GRIK4: variants seen among roughly 807,000 people sequenced by gnomAD.
GRIK4 encodes glutamate ionotropic receptor kainate type subunit 4.
Under a neutral mutation model 104.9 loss-of-function variants are expected in GRIK4, and 40 were observed. The ratio of observed to expected loss-of-function variants is 0.38; its 90% confidence interval spans 0.30 to 0.50. GRIK4 has a LOEUF of 0.50. GRIK4 is among the 20% of genes least tolerant of loss of function. The pLI is 0.93. For synonymous variants in GRIK4, 485 were observed against 524.9 expected (o/e 0.92, Z 1.04); for missense variants, 1,047 against 1,308.1 (o/e 0.80, Z 3.08).
In GRIK4 at chr11:120,899,999, G is replaced by A. The variant is rs74403970; in HGVS notation, c.1272+1360G>A. Among the ~76,000 whole-genome samples, 1,375 of 152,276 alleles carry A rather than the reference G, an allele frequency of 9.0e-3. 20 individuals are homozygous for A. The highest frequency in any genetic ancestry group is 0.03 in the African/African-American group (1,229 of 41,560). The stretch of plus-strand genomic sequence containing the variant: ...CTTTATGAACTCCTGGGGCCCAGGC[G>A]CCCTGGGCTGAAATGATTGATCTAC... On this transcript the variant is annotated intron_variant, in intron 12 of 20. Transcript: ENST00000527524.
intron 1 of GRIK4, among the ~76,000 whole-genome samples, chr11:120,616,497 G>A (rs1949116305): frequency 6.6e-6 from 1 of 152,226 alleles, no homozygotes; most frequent in African/African-American, 2.4e-5. Context: ...GGATACTTTG[G>A]TCTGGAAGAT....
intron 1 of GRIK4, among the ~76,000 whole-genome samples, chr11:120,526,810 T>C (rs1364794148): frequency 6.6e-6 from 1 of 152,016 alleles, no homozygotes; most frequent in Non-Finnish European, 1.5e-5. Flanking sequence ...GATTGCACCA[T>C]TGCACTCCAG....
In GRIK4 at chr11:120,522,167, C is replaced by T. The variant is rs529338386; in HGVS notation, c.-159+10280C>T. Reference sequence around the variant, plus strand: ...CTGGAGTGATCCTAAGGCAGGCCATCGCTGAGTTGGGCAGCTGTGAAACGA... The same window carrying T: ...CTGGAGTGATCCTAAGGCAGGCCATTGCTGAGTTGGGCAGCTGTGAAACGA... On this transcript the variant is annotated intron_variant, in intron 1 of 20. Transcript: ENST00000527524. Among the ~76,000 whole-genome samples, 37 of 152,270 alleles carry T rather than the reference C, an allele frequency of 2.4e-4. 2 individuals carry two copies. In the South Asian group the frequency reaches 5.2e-3, roughly 21 times the overall value.
chr11:120,832,650 C>T (rs1457146653), intron 7 of GRIK4, among the ~76,000 whole-genome samples: 1 of 152,170 alleles, frequency 6.6e-6, no homozygotes, highest in Non-Finnish European at 1.5e-5. Flanking sequence ...ACAACCCTCT[C>T]TTATCTGCAA....
chr11:120,884,102 G>A (rs1955050433), intron 11 of GRIK4, among the ~76,000 whole-genome samples: 1 of 152,222 alleles, frequency 6.6e-6, no homozygotes. Context: ...AGGCTTCATG[G>A]TCAAAGGCTC....
chr11:120,511,841 G>C lies in GRIK4; in HGVS notation c.-205G>C, dbSNP rs1465064998. The C allele has an allele frequency of 2.8e-6, 1 of 351,956 alleles. No homozygotes were observed. The highest frequency in any genetic ancestry group is 2.3e-5 in the African/African-American group (1 of 44,302). 21.8% of individuals were successfully genotyped at this position (351,956 alleles called of 1,614,324 possible). A position where few individuals can be genotyped will look rare whatever the true frequency, so the allele number is the denominator to read the frequency against. On this transcript the variant is annotated 5_prime_UTR_variant, in exon 1 of 21. Coordinates refer to ENST00000527524, the MANE Select transcript of GRIK4 (RefSeq NM_014619.5). ...CAACAGCAGCCCCGCGGCCGGCCCGGCAGCGCCCGGCCCCCGGCTCAGCCC... is the reference window on the plus strand; with the variant it reads ...CAACAGCAGCCCCGCGGCCGGCCCGCCAGCGCCCGGCCCCCGGCTCAGCCC...
At position 120,850,780 on chromosome 11, in the gene GRIK4, G is replaced by A. The variant is rs1364093870; in HGVS notation, c.745-11179G>A. 2.2e-5 allele frequency among the ~76,000 whole-genome samples: 3 copies of A among 134,810 alleles called. No homozygotes were observed. The Admixed American group carries it at 2.3e-4, about 10-fold the overall frequency. 88.4% of individuals were successfully genotyped at this position (134,810 alleles called of 152,430 possible). On this transcript the variant is annotated intron_variant, in intron 8 of 20. Transcript: ENST00000527524. ...AGCAGAAGGAGACTGAAAATAAAAG[G>A]CATTATGGCAAATCACATTATTATT...
intron 11 of GRIK4, 102 bp downstream of exon 11, chr11:120,875,345 C>G (rs1592020970): frequency 5.3e-6 from 4 of 756,940 alleles, no homozygotes; most frequent in Non-Finnish European, 9.4e-6. Context: ...TTATCCCCAA[C>G]AGCAGCAGGC....
intron 1 of GRIK4, among the ~76,000 whole-genome samples, chr11:120,536,700 A>G (rs916094629): frequency 6.6e-6 from 1 of 152,186 alleles, no homozygotes; most frequent in Admixed American, 6.5e-5. Flanking sequence ...TCCAATTGAT[A>G]TGAGGCTCGG....
chr11:120,512,369 C>T (rs1479941688), intron 1 of GRIK4, among the ~76,000 whole-genome samples: 2 of 151,840 alleles, frequency 1.3e-5, no homozygotes, highest in Admixed American at 6.6e-5. Flanking sequence ...CGGCTGCAGC[C>T]CCCCATCCCG....
At chr11:120,973,928 GAC>G (rs1944518181) in intron 19 of GRIK4, among the ~76,000 whole-genome samples, 2 of 145,968 alleles carry the variant, frequency 1.4e-5, no homozygotes, top group Admixed American at 6.8e-5. Context: ...TTTTTTTTGA[GAC>G]AGATTCTCAT....
chr11:120,819,611 C>G lies in GRIK4; in HGVS notation c.346-144C>G. ...GTCTTCCTCCCACGGAGTGGGTGCC[C>G]TGGGAGCTCCTTCTCCCATTGGTGT... On this transcript the variant is annotated intron_variant, in intron 5 of 20. Coordinates refer to ENST00000527524, the MANE Select transcript of GRIK4 (RefSeq NM_014619.5). The surrounding 1 kb of genome is among the most constrained non-coding windows in gnomAD (Gnocchi z 4.3). 1.4e-6 allele frequency: 1 copy of G among 721,302 alleles called. No individual in the cohort carries two copies. The allele number at this position is 721,302 out of a possible 1,614,324, so 44.7% of individuals were successfully genotyped here. A position where few individuals can be genotyped will look rare whatever the true frequency, so the allele number is the denominator to read the frequency against.
chr11:120,899,050 G>A (rs557369250), intron 12 of GRIK4, among the ~76,000 whole-genome samples: 28 of 152,278 alleles, frequency 1.8e-4, no homozygotes, highest in Non-Finnish European at 2.8e-4. Flanking sequence ...ATCCTGAAGC[G>A]GACATGGGAA....
chr11:120,649,848 TCTCTC>T (rs1949594998), intron 1 of GRIK4, among the ~76,000 whole-genome samples: 1 of 152,232 alleles, frequency 6.6e-6, no homozygotes, highest in African/African-American at 2.4e-5. Flanking sequence ...AAGTTGGTCT[TCTCTC>T]CTGCTCATTT....
chr11:120,896,882 C>T (rs1018477574), intron 11 of GRIK4, among the ~76,000 whole-genome samples: 3 of 152,194 alleles, frequency 2.0e-5, no homozygotes, highest in Non-Finnish European at 4.4e-5. Context: ...CATTTCATTG[C>T]GTTTTTAGCC....
chr11:120,552,669 G>A (rs1019562366), intron 1 of GRIK4, among the ~76,000 whole-genome samples: 1 of 152,100 alleles, frequency 6.6e-6, no homozygotes, highest in African/African-American at 2.4e-5. Context: ...TGGATAGCTG[G>A]GTTTAGCTCG....
intron 1 of GRIK4, among the ~76,000 whole-genome samples, chr11:120,597,957 G>T (rs1474819045): frequency 1.3e-5 from 2 of 152,138 alleles, no homozygotes; most frequent in Admixed American, 6.5e-5. Context: ...ATTTTACTTA[G>T]AGAGTTGCTG....
At chr11:120,851,125 C>T (rs1009662942) in intron 8 of GRIK4, among the ~76,000 whole-genome samples, 1 of 152,140 alleles carries the variant, frequency 6.6e-6, no homozygotes, top group African/African-American at 2.4e-5. Context: ...GTCCTAAACC[C>T]ATTCCTGATC....
intron 13 of GRIK4, among the ~76,000 whole-genome samples, chr11:120,925,300 G>A (rs1178017198): frequency 1.5e-4 from 23 of 152,156 alleles, no homozygotes; most frequent in Non-Finnish European, 8.8e-5. Context: ...GGAAGACAGC[G>A]CCGTGAGCTG....
Sources: allele counts gnomAD v4.1 joint callset (sites outside exome capture counted in the v4.1 genomes callset), GRCh38; gene constraint gnomAD v4.1.1; non-coding constraint Gnocchi (gnomAD v3.1); transcripts MANE v1.5; gene names NCBI Gene and HGNC (gene_info 2026-07-23, HGNC 2026-07-21).